Variants in IQUB observed in about 807,000 individuals in gnomAD.
The protein encoded by IQUB is IQ motif and ubiquitin-like domain-containing protein.
A neutral mutation model predicts 86.4 loss-of-function variants in IQUB; 86 were observed. That is an observed-to-expected ratio of 1.00 (90% CI 0.84 to 1.19). IQUB has a LOEUF of 1.19. Among genes scored for constraint, IQUB ranks in the 50% most tolerant of loss-of-function variants. The pLI is 0.00. For synonymous variants in IQUB, 289 were observed against 304.5 expected (o/e 0.95, Z 0.53); for missense variants, 946 against 916.9 (o/e 1.03, Z -0.41).
chr7:123,475,876 A>T (rs1794727527), intron 8 of IQUB, among the ~76,000 whole-genome samples: 1 of 152,224 alleles, frequency 6.6e-6, no homozygotes, highest in Admixed American at 6.5e-5. Flanking sequence ...CTAAACAAAT[A>T]GGTTTATTTC....
intron 12 of IQUB, chr7:123,457,143 A>C: frequency 1.0e-6 from 1 of 969,588 alleles, no homozygotes; most frequent in Non-Finnish European, 1.2e-6. Context: ...TAAACTTACT[A>C]TTAGGAGAGA....
At position 123,457,496 on chromosome 7, in the gene IQUB, A is replaced by G; in HGVS notation, c.2078T>C (p.Leu693Pro). ...CCATCTGACCATGACCAGATCACTG[A>G]GATTGTCGCAAGCACTGAGGACTGA... is the stretch of plus-strand genomic sequence containing the variant. ...SQSVLSACDN[L>P]SDLVMVRWNK... Residue 693 changes from leucine to proline, a missense_variant, in exon 12 of 13, where the codon CTC becomes CCC. Leu to Pro is a moderately conservative substitution (Grantham distance 98). Transcript: ENST00000324698. 1 of 1,611,416 alleles carries G rather than the reference A, an allele frequency of 6.2e-7. No homozygotes were observed. Among genetic ancestry groups the G allele is most frequent in the Non-Finnish European group, 8.5e-7 (1 of 1,178,896 alleles).
chr7:123,509,430 C>T (rs977933338), intron 3 of IQUB, among the ~76,000 whole-genome samples: 2 of 152,088 alleles, frequency 1.3e-5, no homozygotes, highest in African/African-American at 2.4e-5. Flanking sequence ...CATCTCCTCC[C>T]GCTACCCATA....
chr7:123,460,413 T>C (rs1177263507), intron 11 of IQUB, among the ~76,000 whole-genome samples: 1 of 151,982 alleles, frequency 6.6e-6, no homozygotes, highest in African/African-American at 2.4e-5. Flanking sequence ...TGGTATCTTT[T>C]TTTTAATCTC....
chr7:123,476,597 G>A (rs1362330209), intron 8 of IQUB, among the ~76,000 whole-genome samples: 1 of 151,890 alleles, frequency 6.6e-6, no homozygotes, highest in African/African-American at 2.4e-5. Context: ...TAATGGAGGA[G>A]AGAATTGAGA....
Position 123,469,387 on chromosome 7 carries a change from T to C in IQUB, c.1411-3A>G. On this transcript the variant is annotated splice_region_variant and splice_polypyrimidine_tract_variant and intron_variant, in intron 8 of 12. Coordinates refer to ENST00000324698, the MANE Select transcript of IQUB (RefSeq NM_178827.5). The stretch of plus-strand genomic sequence containing the variant: ...CTCCATATTTTTGGAGCTGAACACT[T>C]AAAAATAATATTATGTTTATAATTA... 2.0e-6 allele frequency: 3 copies of C among 1,520,314 alleles called. No individual in the cohort carries two copies. The Admixed American group carries it at 6.2e-5, about 31-fold the overall frequency. The allele number at this position is 1,520,314 out of a possible 1,614,324, so 94.2% of individuals were successfully genotyped here.
Position 123,463,981 on chromosome 7 carries a change from C to T in IQUB, c.1758+852G>A, listed in dbSNP as rs73720251. On this transcript the variant is annotated intron_variant, in intron 10 of 12. Coordinates refer to ENST00000324698, the MANE Select transcript of IQUB (RefSeq NM_178827.5). ...TTTAATATTCTTTTTGCAATACAATCAGGTTTTTAAAAATCAGTTTAAAAA... is the reference window on the plus strand; with the variant it reads ...TTTAATATTCTTTTTGCAATACAATTAGGTTTTTAAAAATCAGTTTAAAAA... Among the ~76,000 whole-genome samples the T allele has an allele frequency of 8.2e-3, 1,236 of 151,550 alleles. 13 individuals are homozygous for T. The highest frequency in any genetic ancestry group is 0.028 in the African/African-American group (1,179 of 41,430).
intron 7 of IQUB, among the ~76,000 whole-genome samples, chr7:123,489,904 A>G (rs905808931): frequency 4.2e-4 from 64 of 152,134 alleles, no homozygotes; most frequent in Non-Finnish European, 1.3e-4. Context: ...ACAAAATTCC[A>G]AGGAGGATGA....
chr7:123,452,757 T>G lies in IQUB; in HGVS notation c.2362A>C (p.Arg788=), dbSNP rs1793480464. 1 of 1,612,330 alleles carries G rather than the reference T, an allele frequency of 6.2e-7. No homozygotes were observed. The highest frequency in any genetic ancestry group is 1.3e-5 in the African/African-American group (1 of 74,866). Residue 788 remains arginine, a synonymous_variant, in exon 13 of 13, where the codon AGG becomes CGG. Transcript: ENST00000324698. ...TCCTGGATCACCTAATGAGGAGGCC[T>G]CTGGGATTCTATAATCTTAGGTGTT... ...DTTPKIIESQ[R]PPH
At chr7:123,485,025 A>G (rs1234871241) in intron 7 of IQUB, among the ~76,000 whole-genome samples, 3 of 152,130 alleles carry the variant, frequency 2.0e-5, no homozygotes, top group Non-Finnish European at 4.4e-5. Context: ...CTGGGTGAGG[A>G]CAAGAGAGAG....
At chr7:123,509,650 T>C (rs1211710390) in intron 3 of IQUB, among the ~76,000 whole-genome samples, 1 of 152,220 alleles carries the variant, frequency 6.6e-6, no homozygotes, top group African/African-American at 2.4e-5. Context: ...GCATGCATCT[T>C]CTTCCTTACT....
intron 6 of IQUB, among the ~76,000 whole-genome samples, chr7:123,500,031 C>G (rs1795871520): frequency 6.6e-6 from 1 of 152,328 alleles, no homozygotes; most frequent in Non-Finnish European, 1.5e-5. Flanking sequence ...TTTACAAATG[C>G]CATGGCAATA....
intron 1 of IQUB, among the ~76,000 whole-genome samples, chr7:123,523,300 C>G (rs1236577492): frequency 3.0e-5 from 4 of 134,914 alleles, no homozygotes; most frequent in Admixed American, 1.5e-4. Context: ...AATGGTCAAA[C>G]TAGTTTACAG....
At position 123,502,673 on chromosome 7, in the gene IQUB, G is replaced by GATAC; in HGVS notation, c.943_946dup (p.Ser316CysfsTer6). 6.2e-7 allele frequency: 1 copy of GATAC among 1,611,720 alleles called. No homozygotes were observed. Among genetic ancestry groups the GATAC allele is most frequent in the Non-Finnish European group, 8.5e-7 (1 of 1,178,348 alleles). On this transcript the variant is annotated frameshift_variant, in exon 6 of 13. Coordinates refer to ENST00000324698, the MANE Select transcript of IQUB (RefSeq NM_178827.5). LOFTEE classifies it high-confidence loss of function. Reference sequence around the variant, plus strand: ...TGTTACCAGTTTATCAGTCATATTTGATACATATACACCAATGTTAGTCAT... The same window carrying GATAC: ...TGTTACCAGTTTATCAGTCATATTTGATACATACATATACACCAATGTTAGTCAT...
rs750451227 is a variant in IQUB at position 123,502,751 on chromosome 7, G to A, written c.869C>T (p.Thr290Ile). The change falls in exon 6 of 13, where the codon ACA becomes ATA. Residue 290 changes from threonine to isoleucine, a missense_variant and splice_region_variant. Coordinates refer to ENST00000324698, the MANE Select transcript of IQUB (RefSeq NM_178827.5). ...TTGGAGATTTTTTTTCTGAAAAACT[G>A]TCTAAAAGAAAACATTAAAAATTTA... ...RLSIFCRDTQ[T>I]VFQKKNLQQT... The A allele has an allele frequency of 8.2e-6, 13 of 1,589,088 alleles. No homozygotes were observed. Among genetic ancestry groups the A allele is most frequent in the Middle Eastern group, 1.8e-4 (1 of 5,636 alleles).
At chr7:123,533,739 G>C (rs917274206) in intron 1 of IQUB, among the ~76,000 whole-genome samples, 1 of 152,164 alleles carries the variant, frequency 6.6e-6, no homozygotes, top group Non-Finnish European at 1.5e-5. Flanking sequence ...ACATATTTGC[G>C]TATGTCTAAA....
intron 8 of IQUB, among the ~76,000 whole-genome samples, chr7:123,471,218 C>T (rs904211391): frequency 6.6e-6 from 1 of 151,996 alleles, no homozygotes; most frequent in African/African-American, 2.4e-5. Context: ...TGATTAAAAG[C>T]TTATAAGGAA....
chr7:123,531,639 C>T (rs1227157479), intron 1 of IQUB, among the ~76,000 whole-genome samples: 1 of 152,080 alleles, frequency 6.6e-6, no homozygotes, highest in African/African-American at 2.4e-5. Flanking sequence ...CTCCACTGAC[C>T]GTCAGGTACT....
intron 9 of IQUB, among the ~76,000 whole-genome samples, chr7:123,465,424 G>A (rs890279436): frequency 2.0e-5 from 3 of 151,932 alleles, no homozygotes; most frequent in African/African-American, 7.2e-5. Context: ...GATGACAAGA[G>A]GAATTGTAAT....
Sources: gnomAD v4.1 joint callset for allele counts (sites outside exome capture counted in the v4.1 genomes callset) on GRCh38, gnomAD v4.1.1 for gene constraint, MANE v1.5 for transcripts, NCBI Gene and HGNC (gene_info 2026-07-23, HGNC 2026-07-21) for gene names.